The following ZNF16 variants were observed in gnomAD, a reference collection of about 807,000 sequenced individuals.
The protein encoded by ZNF16 is zinc finger protein 16.
In ZNF16, 7 loss-of-function variants were observed where a neutral mutation model predicts 9.0. That is an observed-to-expected ratio of 0.78 (90% CI 0.44 to 1.47). The LOEUF is 1.47. Among genes scored for constraint, ZNF16 ranks in the 40% most tolerant of loss-of-function variants. ZNF16 has a pLI of 0.01. For synonymous variants in ZNF16, 312 were observed against 301.5 expected (o/e 1.03, Z -0.36); for missense variants, 830 against 854.2 (o/e 0.97, Z 0.35).
At chr8:144,950,624 G>GCCCCGCCCC (rs1233873152) in intron 1 of ZNF16, 173 bp downstream of exon 1, 1 of 63,844 alleles carries the variant, frequency 1.6e-5, no homozygotes, top group Non-Finnish European at 3.5e-5. Context: ...AGCTGCCCCC[G>GCCCCGCCCC]CCCCGCCCCC....
intron 2 of ZNF16, among the ~76,000 whole-genome samples, chr8:144,941,847 A>T (rs1445772244): frequency 6.7e-6 from 1 of 148,412 alleles, no homozygotes; most frequent in African/African-American, 2.5e-5. Flanking sequence ...TTTAGTAGAG[A>T]TGGGGTTTCA....
Position 144,937,137 on chromosome 8 carries a change from C to CTTTTTTTTTTTTTTTT in ZNF16, c.197-4548_197-4547insAAAAAAAAAAAAAAAA, listed in dbSNP as rs1554659152. ...GCAGGATGCTTTTTTCACTTTCTTT[C>CTTTTTTTTTTTTTTTT]TCTCTCTTTTTTTTTTTTTTTTTTT... On this transcript the variant is annotated intron_variant, in intron 2 of 2. Transcript: ENST00000394909. Among the ~76,000 whole-genome samples the CTTTTTTTTTTTTTTTT allele has an allele frequency of 1.8e-5, 2 of 112,992 alleles. 1 individual carries two copies. The allele number at this position is 112,992 out of a possible 152,430, so 74.1% of individuals were successfully genotyped here. A position where few individuals can be genotyped will look rare whatever the true frequency, so the allele number is the denominator to read the frequency against.
chr8:144,942,428 C>T (rs911731268), intron 2 of ZNF16, among the ~76,000 whole-genome samples: 1 of 151,886 alleles, frequency 6.6e-6, no homozygotes, highest in African/African-American at 2.4e-5. Flanking sequence ...GCTGGGATTA[C>T]AGGTGCCCAC....
At position 144,932,278 on chromosome 8, in the gene ZNF16, G is replaced by A. The variant is rs574387913; in HGVS notation, c.509C>T (p.Ala170Val). 2.5e-6 allele frequency: 4 copies of A among 1,614,164 alleles called. No individual in the cohort carries two copies. The South Asian group carries it at 4.4e-5, about 18-fold the overall frequency. Residue 170 changes from alanine to valine, a missense_variant, in exon 3 of 3, where the codon GCA becomes GTA. Transcript: ENST00000394909. The surrounding 1 kb of genome is among the most constrained non-coding windows in gnomAD (Gnocchi z 5.0). Reference sequence around the variant, plus strand: ...CTCTTCTGTAGGGATTTCCTGACATGCCATCAGGTTTGGGCTCAGACTGAA... The same window carrying A: ...CTCTTCTGTAGGGATTTCCTGACATACCATCAGGTTTGGGCTCAGACTGAA... Reference protein sequence around the residue: ...SRFSLSPNLMACQEIPTEERP... With the variant: ...SRFSLSPNLMVCQEIPTEERP...
intron 2 of ZNF16, among the ~76,000 whole-genome samples, chr8:144,934,682 G>A (rs770628538): frequency 2.6e-5 from 4 of 152,146 alleles, no homozygotes; most frequent in Admixed American, 6.5e-5. Context: ...TGACTTGGGA[G>A]ACCGTTGCCC....
intron 2 of ZNF16, among the ~76,000 whole-genome samples, chr8:144,934,721 AG>A (rs1387829060): frequency 6.6e-6 from 1 of 152,128 alleles, no homozygotes; most frequent in Admixed American, 6.5e-5. Context: ...AAGTGACCCA[AG>A]GAAGGATGAA....
intron 2 of ZNF16, among the ~76,000 whole-genome samples, chr8:144,940,241 G>A (rs116694900): frequency 0.037 from 5,672 of 152,058 alleles, 208 homozygotes; most frequent in African/African-American, 0.097. Context: ...ACCACGCCCA[G>A]CTAATTTTCT....
intron 2 of ZNF16, among the ~76,000 whole-genome samples, chr8:144,938,565 T>A (rs1833734959): frequency 6.6e-6 from 1 of 152,246 alleles, no homozygotes; most frequent in Non-Finnish European, 1.5e-5. Context: ...ACACTGTTCA[T>A]GGCTGGTATA....
intron 1 of ZNF16, among the ~76,000 whole-genome samples, chr8:144,950,148 C>T (rs1213404515): frequency 2.6e-5 from 4 of 152,256 alleles, no homozygotes; most frequent in South Asian, 4.1e-4. Context: ...AGGCATAGTA[C>T]CTCCCCTTAA....
At chr8:144,941,976 A>ATT (rs1000299480) in intron 2 of ZNF16, among the ~76,000 whole-genome samples, 2,803 of 92,030 alleles carry the variant, frequency 0.03, 119 homozygotes, top group African/African-American at 0.089. Context: ...CATTTTTAAG[A>ATT]TTTTTTTTTT....
Position 144,931,584 on chromosome 8 carries a change from T to C in ZNF16, c.1203A>G (p.Gly401=). Residue 401 remains glycine, a synonymous_variant, in exon 3 of 3, where the codon GGA becomes GGG. Transcript: ENST00000394909. ...HLRKHQRVHT[G]EKPYECNDCG... ...AATCATTACACTCATAAGGCTTCTC[T>C]CCAGTGTGGACCCTCTGGTGCTTCC... 1 of 1,614,058 alleles carries C rather than the reference T, an allele frequency of 6.2e-7. No individual in the cohort carries two copies. The highest frequency in any genetic ancestry group is 1.1e-5 in the South Asian group (1 of 91,086).
chr8:144,945,595 T>C (rs1833905222), intron 2 of ZNF16: 1 of 157,822 alleles, frequency 6.3e-6, no homozygotes, highest in Non-Finnish European at 1.4e-5. Flanking sequence ...TGAATGCCTC[T>C]ATTTCCCCAC....
intron 2 of ZNF16, among the ~76,000 whole-genome samples, chr8:144,943,772 G>A (rs1428901981): frequency 3.3e-5 from 5 of 151,936 alleles, no homozygotes; most frequent in African/African-American, 9.7e-5. Context: ...TGCTTGCCTC[G>A]GCCTCCCAAA....
intron 2 of ZNF16, 168 bp downstream of exon 2, chr8:144,945,843 G>A: frequency 2.2e-6 from 3 of 1,338,124 alleles, no homozygotes; most frequent in Non-Finnish European, 2.9e-6. Context: ...CAGGGGCCAG[G>A]CTAGGTTAAC....
chr8:144,938,598 T>C lies in ZNF16; in HGVS notation c.197-6008A>G, dbSNP rs527596610. On this transcript the variant is annotated intron_variant, in intron 2 of 2. Coordinates refer to ENST00000394909, the MANE Select transcript of ZNF16 (RefSeq NM_006958.3). Reference sequence around the variant, plus strand: ...ATACAGAAACAACTGATTTTGTGTGTTGATCAGTTGCTGCAACTTTGCTGG... The same window carrying C: ...ATACAGAAACAACTGATTTTGTGTGCTGATCAGTTGCTGCAACTTTGCTGG... 2.0e-5 allele frequency among the ~76,000 whole-genome samples: 3 copies of C among 152,368 alleles called. No individual in the cohort carries two copies. The East Asian group carries it at 5.8e-4, about 29-fold the overall frequency.
At chr8:144,946,828 C>G (rs1161982453) in intron 1 of ZNF16, among the ~76,000 whole-genome samples, 9 of 92,202 alleles carry the variant, frequency 9.8e-5, no homozygotes, top group East Asian at 3.6e-4. Flanking sequence ...CTGCTGTGGG[C>G]CTGTATCCTG....
At chr8:144,937,443 G>A (rs1047343059) in intron 2 of ZNF16, among the ~76,000 whole-genome samples, 6 of 151,838 alleles carry the variant, frequency 4.0e-5, no homozygotes, top group South Asian at 2.1e-4. Context: ...TTCTTTTCAC[G>A]TTCTTGATAA....
intron 2 of ZNF16, among the ~76,000 whole-genome samples, chr8:144,941,877 C>T (rs553189572): frequency 6.6e-6 from 1 of 150,830 alleles, no homozygotes; most frequent in East Asian, 2.0e-4. Context: ...CCAGGATGGT[C>T]TCAATCTCCT....
chr8:144,946,779 G>A (rs79739635), intron 1 of ZNF16, among the ~76,000 whole-genome samples: 3 of 71,078 alleles, frequency 4.2e-5, no homozygotes, highest in Non-Finnish European at 5.7e-5. Flanking sequence ...GTGGGCCTGT[G>A]TCCTGCTGTG....
Sources: gnomAD v4.1 joint callset for allele counts (sites outside exome capture counted in the v4.1 genomes callset) on GRCh38, gnomAD v4.1.1 for gene constraint, Gnocchi (gnomAD v3.1) non-coding constraint, MANE v1.5 for transcripts, NCBI Gene and HGNC (gene_info 2026-07-23, HGNC 2026-07-21) for gene names.